Variants in HS6ST3 observed in about 807,000 individuals in gnomAD.
HS6ST3 encodes heparan sulfate 6-O-sulfotransferase 3.
Under a neutral mutation model 36.7 loss-of-function variants are expected in HS6ST3, and 12 were observed. That is an observed-to-expected ratio of 0.33 (90% CI 0.21 to 0.53). The LOEUF is 0.53. Among genes scored for constraint, HS6ST3 ranks in the 20% least tolerant of loss-of-function variants. HS6ST3 has a pLI of 0.95. For synonymous variants in HS6ST3, 240 were observed against 257.5 expected (o/e 0.93, Z 0.65); for missense variants, 584 against 640.9 (o/e 0.91, Z 0.96).
intron 1 of HS6ST3, among the ~76,000 whole-genome samples, chr13:96,359,619 A>T (rs949034598): frequency 6.6e-6 from 1 of 151,982 alleles, no homozygotes; most frequent in African/African-American, 2.4e-5. Flanking sequence ...ACTGAAATTG[A>T]TAGGTTCTTT....
At chr13:96,667,143 T>G (rs1434877132) in intron 1 of HS6ST3, among the ~76,000 whole-genome samples, 1 of 152,212 alleles carries the variant, frequency 6.6e-6, no homozygotes, top group African/African-American at 2.4e-5. Context: ...AATGCAAAAT[T>G]CTATAAATCA....
chr13:96,540,697 A>G (rs540650013), intron 1 of HS6ST3, among the ~76,000 whole-genome samples: 10 of 152,214 alleles, frequency 6.6e-5, no homozygotes, highest in Admixed American at 3.9e-4. Context: ...CATTCTGCAA[A>G]CCATTTTTAT....
At chr13:96,519,653 T>C (rs2056085825) in intron 1 of HS6ST3, among the ~76,000 whole-genome samples, 1 of 152,244 alleles carries the variant, frequency 6.6e-6, no homozygotes, top group South Asian at 2.1e-4. Flanking sequence ...GGAGGCAGTA[T>C]GGTGCACAAA....
chr13:96,122,134 T>TTATTATTAC (rs943926864), intron 1 of HS6ST3, among the ~76,000 whole-genome samples: 7 of 148,664 alleles, frequency 4.7e-5, no homozygotes, highest in Non-Finnish European at 5.9e-5. Flanking sequence ...ATTATTATTA[T>TTATTATTAC]TACTATTATT....
chr13:96,132,931 C>A (rs571638389), intron 1 of HS6ST3, among the ~76,000 whole-genome samples: 12 of 151,582 alleles, frequency 7.9e-5, no homozygotes, highest in Non-Finnish European at 1.5e-4. Flanking sequence ...TTGAGAAATG[C>A]CTCTTCAGAC....
chr13:96,184,220 AAAGAG>A (rs2054254403), intron 1 of HS6ST3, among the ~76,000 whole-genome samples: 1 of 81,082 alleles, frequency 1.2e-5, no homozygotes, highest in African/African-American at 4.6e-5. Context: ...AAAAAAAAAA[AAAGAG>A]AGAGAGAGAG....
intron 1 of HS6ST3, among the ~76,000 whole-genome samples, chr13:96,183,440 C>G (rs2054249108): frequency 6.6e-6 from 1 of 152,136 alleles, no homozygotes; most frequent in South Asian, 2.1e-4. Flanking sequence ...TTCAACTCTT[C>G]TTTCCAGTAC....
chr13:96,309,138 G>A (rs76592289), intron 1 of HS6ST3, among the ~76,000 whole-genome samples: 8,127 of 152,042 alleles, frequency 0.053, 335 homozygotes, highest in African/African-American at 0.11. Context: ...TTGTGTACCG[G>A]GATCCCATGG....
At position 96,184,295 on chromosome 13, in the gene HS6ST3, A is replaced by T. The variant is rs79811572; in HGVS notation, c.707+92726A>T. ...GTGTATTTTACCACAATTAAAAAAA[A>T]TTTTTTTAAGTCTTCTTTTGTCATG... On this transcript the variant is annotated intron_variant, in intron 1 of 1. Coordinates refer to ENST00000376705, the MANE Select transcript of HS6ST3 (RefSeq NM_153456.4). 3.1e-3 allele frequency among the ~76,000 whole-genome samples: 476 copies of T among 151,708 alleles called. 9 individuals are homozygous for T. In the East Asian group the frequency reaches 0.064, roughly 20 times the overall value.
intron 1 of HS6ST3, among the ~76,000 whole-genome samples, chr13:96,394,293 C>A (rs2055409904): frequency 7.0e-6 from 1 of 142,994 alleles, no homozygotes; most frequent in African/African-American, 2.6e-5. Context: ...CCCAGCTTCC[C>A]CCATTTTTGT....
intron 1 of HS6ST3, among the ~76,000 whole-genome samples, chr13:96,514,231 G>A (rs2056062767): frequency 1.3e-5 from 2 of 152,188 alleles, no homozygotes; most frequent in African/African-American, 4.8e-5. Context: ...CGTGCAGTAG[G>A]TTGATGGAAG....
At chr13:96,743,371 C>A (rs1038105843) in intron 1 of HS6ST3, among the ~76,000 whole-genome samples, 19 of 151,998 alleles carry the variant, frequency 1.3e-4, no homozygotes, top group Admixed American at 7.9e-4. Context: ...CGGGCAATCC[C>A]AATATTGACT....
chr13:96,616,032 G>A (rs1051010295), intron 1 of HS6ST3, among the ~76,000 whole-genome samples: 13 of 152,186 alleles, frequency 8.5e-5, no homozygotes, highest in Admixed American at 7.9e-4. Context: ...CACTGGCCAG[G>A]AAAAGTGTTT....
At chr13:96,606,218 G>C (rs893394513) in intron 1 of HS6ST3, among the ~76,000 whole-genome samples, 1 of 152,150 alleles carries the variant, frequency 6.6e-6, no homozygotes, top group Non-Finnish European at 1.5e-5. Flanking sequence ...TCCCATTACT[G>C]TGTATGTACC....
At chr13:96,716,217 A>T (rs1875691234) in intron 1 of HS6ST3, among the ~76,000 whole-genome samples, 1 of 152,132 alleles carries the variant, frequency 6.6e-6, no homozygotes, top group Non-Finnish European at 1.5e-5. Context: ...AATATCAAGC[A>T]TTCCATTGAG....
chr13:96,295,888 A>T (rs2054852679), intron 1 of HS6ST3, among the ~76,000 whole-genome samples: 1 of 152,052 alleles, frequency 6.6e-6, no homozygotes, highest in Non-Finnish European at 1.5e-5. Context: ...TCCCATACAC[A>T]AATGCTTAAT....
chr13:96,639,192 A>C (rs2056561509), intron 1 of HS6ST3, among the ~76,000 whole-genome samples: 1 of 151,984 alleles, frequency 6.6e-6, no homozygotes, highest in South Asian at 2.1e-4. Flanking sequence ...AGTTTTTGTT[A>C]TATGTATTTT....
At chr13:96,561,255 G>C (rs537013848) in intron 1 of HS6ST3, among the ~76,000 whole-genome samples, 1 of 151,994 alleles carries the variant, frequency 6.6e-6, no homozygotes, top group Non-Finnish European at 1.5e-5. Flanking sequence ...TCTGATCTTC[G>C]GTAAAGTCCA....
intron 1 of HS6ST3, among the ~76,000 whole-genome samples, chr13:96,131,398 A>G (rs1202519824): frequency 2.0e-5 from 3 of 152,198 alleles, no homozygotes; most frequent in South Asian, 2.1e-4. Flanking sequence ...TAAACATTTT[A>G]TTGAGGTTTA....
Sources: allele counts gnomAD v4.1 joint callset (sites outside exome capture counted in the v4.1 genomes callset), GRCh38; gene constraint gnomAD v4.1.1; transcripts MANE v1.5; gene names NCBI Gene and HGNC (gene_info 2026-07-23, HGNC 2026-07-21).